UGT1A8: variants seen among roughly 807,000 people sequenced by gnomAD.
UGT1A8 encodes the protein UDP glucuronosyltransferase family 1 member A8.
In UGT1A8, 39 loss-of-function variants were observed where a neutral mutation model predicts 45.3. The ratio of observed to expected loss-of-function variants is 0.86; its 90% CI spans 0.67 to 1.12. The LOEUF (loss-of-function observed/expected upper bound fraction) is 1.12, where lower values mean the gene tolerates loss of function less well. Ranked by LOEUF, UGT1A8 falls within the 50% of genes most tolerant of loss-of-function variation. The pLI is 0.00. For missense variants in UGT1A8, 719 were observed against 664.9 expected, an observed-to-expected ratio of 1.08 and a Z score of -0.90; for synonymous variants, 275 against 249.2, an observed-to-expected ratio of 1.10 and a Z score of -0.97.
chr2:233,766,304 C>T (rs1472747158), intron 1 of UGT1A8, among the ~76,000 whole-genome samples: 4 of 151,950 alleles, frequency 2.6e-5, no homozygotes, highest in Non-Finnish European at 4.4e-5. Context: ...GGCTCTCCTC[C>T]GACTGCCTCA....
At chr2:233,621,813 G>T (rs1189250065) in intron 1 of UGT1A8, among the ~76,000 whole-genome samples, 1 of 152,094 alleles carries the variant, frequency 6.6e-6, no homozygotes, top group African/African-American at 2.4e-5. Context: ...CATGTGTCAT[G>T]TTGGTTTGCT....
chr2:233,685,622 T>A (rs2074746645), intron 1 of UGT1A8, among the ~76,000 whole-genome samples: 1 of 152,242 alleles, frequency 6.6e-6, no homozygotes, highest in Non-Finnish European at 1.5e-5. Context: ...CAACTTTTTA[T>A]CATCAAAGTT....
chr2:233,664,423 C>T (rs1052565885), intron 1 of UGT1A8, among the ~76,000 whole-genome samples: 5 of 152,136 alleles, frequency 3.3e-5, no homozygotes, highest in Admixed American at 6.6e-5. Context: ...CCCTTCATTA[C>T]GTTGCCATAA....
In UGT1A8 at chr2:233,672,351, G is replaced by A. The variant is rs765515241; in HGVS notation, c.855+53789G>A. 36 of 1,613,958 alleles carry A rather than the reference G, an allele frequency of 2.2e-5. No homozygotes were observed. In the South Asian group the frequency reaches 3.6e-4, roughly 16 times the overall value. ...AAAAATTAGTAGAATACTTAAAGGA[G>A]AGTTCTTTTGATGCAGTGTTTCTCG... On this transcript the variant is annotated intron_variant, in intron 1 of 4. Transcript: ENST00000373450.
chr2:233,690,627 A>G (rs1452524634), intron 1 of UGT1A8: 2 of 1,288,586 alleles, frequency 1.6e-6, no homozygotes, highest in Non-Finnish European at 2.0e-6. Context: ...CACTCAAGTG[A>G]TACCTGAGGA....
At chr2:233,720,737 G>A (rs1402303437) in intron 1 of UGT1A8, among the ~76,000 whole-genome samples, 14 of 144,628 alleles carry the variant, frequency 9.7e-5, no homozygotes, top group African/African-American at 2.3e-4. Flanking sequence ...ACTGAGCCTC[G>A]TTCTGTCGCC....
chr2:233,668,087 G>A (rs1166439589), intron 1 of UGT1A8, among the ~76,000 whole-genome samples: 1 of 151,806 alleles, frequency 6.6e-6, no homozygotes, highest in African/African-American at 2.4e-5. Context: ...TTAAGTTCTA[G>A]GGTACATGTG....
chr2:233,660,280 G>T (rs2073938279), intron 1 of UGT1A8, among the ~76,000 whole-genome samples: 1 of 152,106 alleles, frequency 6.6e-6, no homozygotes, highest in African/African-American at 2.4e-5. Context: ...CCTTTCCATA[G>T]AAAACCATGT....
At position 233,772,432 on chromosome 2, in the gene UGT1A8, T is replaced by C. The variant is rs771600393; in HGVS notation, c.1466T>C (p.Ile489Thr). 4.3e-6 allele frequency: 7 copies of C among 1,614,238 alleles called. No homozygotes were observed. Among genetic ancestry groups the C allele is most frequent in the Middle Eastern group, 1.6e-4 (1 of 6,062 alleles). Residue 489 changes from isoleucine to threonine, a missense_variant, in exon 5 of 5, where the codon ATT (isoleucine) becomes ACT (threonine). Physicochemically the swap from Ile to Thr is moderately conservative, Grantham distance 89 (BLOSUM62 -1). Coordinates refer to ENST00000373450, the MANE Select transcript of UGT1A8 (RefSeq NM_019076.5). ...TWYQYHSLDV[I>T]GFLLAVVLTV... Reference sequence around the variant, plus strand: ...TACCAGTACCATTCCTTGGACGTGATTGGTTTCCTCTTGGCCGTCGTGCTG... The same window carrying C: ...TACCAGTACCATTCCTTGGACGTGACTGGTTTCCTCTTGGCCGTCGTGCTG...
chr2:233,726,612 G>T (rs540444142), intron 1 of UGT1A8, among the ~76,000 whole-genome samples: 42 of 152,220 alleles, frequency 2.8e-4, no homozygotes, highest in African/African-American at 9.9e-4. Context: ...ACACTGTCCT[G>T]CCCAGATACC....
chr2:233,719,338 G>T (rs546499527), intron 1 of UGT1A8: 33 of 1,613,808 alleles, frequency 2.0e-5, no homozygotes, highest in South Asian at 1.1e-4. Flanking sequence ...GTGTTTTTTT[G>T]GAGGTACATT....
chr2:233,761,943 G>A (rs542276464), intron 1 of UGT1A8, among the ~76,000 whole-genome samples: 197 of 152,320 alleles, frequency 1.3e-3, no homozygotes, highest in Non-Finnish European at 2.4e-3. Context: ...CAGGTGCTGC[G>A]TCTGGCTCCC....
intron 1 of UGT1A8, chr2:233,713,114 G>A (rs1276880544): frequency 4.3e-6 from 7 of 1,614,110 alleles, no homozygotes; most frequent in Admixed American, 1.7e-5. Context: ...GCAGCCACTG[G>A]CTCAGCATGC....
chr2:233,648,714 T>A (rs2073665976), intron 1 of UGT1A8: 1 of 439,738 alleles, frequency 2.3e-6, no homozygotes, highest in Non-Finnish European at 4.2e-6. Flanking sequence ...TCCGCCCGCC[T>A]TGGCCTCCCA....
chr2:233,630,471 A>AT (rs1355718254), intron 1 of UGT1A8, among the ~76,000 whole-genome samples: 1 of 152,074 alleles, frequency 6.6e-6, no homozygotes, highest in Non-Finnish European at 1.5e-5. Flanking sequence ...ATTCTGGTTG[A>AT]TTTTCTTTGT....
chr2:233,692,825 T>A, intron 1 of UGT1A8: 1 of 1,437,362 alleles, frequency 7.0e-7, no homozygotes, highest in South Asian at 1.5e-5. Flanking sequence ...ATTAACCATG[T>A]GATTAAAATG....
At chr2:233,642,003 G>C (rs187927177) in intron 1 of UGT1A8, among the ~76,000 whole-genome samples, 1 of 152,216 alleles carries the variant, frequency 6.6e-6, no homozygotes, top group African/African-American at 2.4e-5. Flanking sequence ...GGTTAAATGT[G>C]CTTGGTGTTC....
chr2:233,718,448 A>C (rs1195821608), intron 1 of UGT1A8, among the ~76,000 whole-genome samples: 1 of 152,148 alleles, frequency 6.6e-6, no homozygotes, highest in Admixed American at 6.5e-5. Flanking sequence ...GGCAATGGTG[A>C]CTCCTCAGAC....
intron 1 of UGT1A8, chr2:233,672,804 C>A (rs1457143857): frequency 1.9e-6 from 3 of 1,607,786 alleles, no homozygotes; most frequent in East Asian, 2.2e-5. Context: ...GTTATCTCTC[C>A]TTTAGCACCT....
Sources: gnomAD v4.1 joint callset for allele counts (sites outside exome capture counted in the v4.1 genomes callset) on GRCh38, gnomAD v4.1.1 for gene constraint, MANE v1.5 for transcripts, NCBI Gene and HGNC (gene_info 2026-07-23, HGNC 2026-07-21) for gene names.